IL31RA: variants seen among roughly 807,000 people sequenced by gnomAD.
The protein encoded by IL31RA is interleukin-31 receptor subunit alpha.
IL31RA carries 66 observed loss-of-function variants against 83.7 expected under a neutral mutation model. The observed-to-expected ratio is 0.79, with a 90% CI of 0.65 to 0.97. The LOEUF (loss-of-function observed/expected upper bound fraction) is 0.97, where lower values mean the gene tolerates loss of function less well. Ranked by LOEUF, IL31RA falls within the 50% of genes least tolerant of loss-of-function variation. The pLI is 0.00. For missense variants in IL31RA, 798 were observed against 919.4 expected (o/e 0.87, Z 1.71); for synonymous variants, 325 against 329.0 (o/e 0.99, Z 0.13).
chr5:55,895,713 C>A (rs1748290150), intron 6 of IL31RA, among the ~76,000 whole-genome samples: 1 of 152,182 alleles, frequency 6.6e-6, no homozygotes, highest in African/African-American at 2.4e-5. Flanking sequence ...TTTATGATTT[C>A]AGTGTTCGTA....
intron 1 of IL31RA, among the ~76,000 whole-genome samples, chr5:55,857,097 A>ATTTT (rs35485505): frequency 2.7e-5 from 4 of 145,954 alleles, no homozygotes; most frequent in Non-Finnish European, 4.5e-5. Flanking sequence ...ACCTTTTTGC[A>ATTTT]TTTTTTTTTT....
chr5:55,860,941 C>T (rs536449118), intron 2 of IL31RA, among the ~76,000 whole-genome samples: 1 of 152,186 alleles, frequency 6.6e-6, no homozygotes, highest in Non-Finnish European at 1.5e-5. Context: ...TTTGCTGCCT[C>T]TTCACATGGT....
upstream of IL31RA, among the ~76,000 whole-genome samples, chr5:55,846,523 G>A (rs997185017): frequency 9.9e-5 from 15 of 152,220 alleles, no homozygotes; most frequent in Admixed American, 7.9e-4. Flanking sequence ...AAAGTGAAGG[G>A]TGCAGACTCA....
In IL31RA at chr5:55,920,239, G is replaced by A. The variant is rs563162095; in HGVS notation, c.*3119G>A. ...GCTGCTCTGCTGATGCTCTGTGTGC[G>A]AGGAAAGCCTGTGCTGGCCTGTCCA... On this transcript the variant is annotated 3_prime_UTR_variant, in exon 15 of 15. Transcript: ENST00000652347. Among the ~76,000 whole-genome samples the A allele has an allele frequency of 3.3e-5, 5 of 152,298 alleles. No homozygotes were observed. The highest frequency in any genetic ancestry group is 1.2e-4 in the African/African-American group (5 of 41,568).
chr5:55,867,156 T>TA (rs1358611010), intron 2 of IL31RA, among the ~76,000 whole-genome samples: 1 of 128,040 alleles, frequency 7.8e-6, no homozygotes, highest in Admixed American at 7.8e-5. Context: ...TGCATGTGTG[T>TA]TTGTGTGTGT....
chr5:55,877,640 C>A (rs751513280), intron 4 of IL31RA, among the ~76,000 whole-genome samples: 5 of 152,018 alleles, frequency 3.3e-5, no homozygotes, highest in Non-Finnish European at 5.9e-5. Flanking sequence ...AATTTTTTTT[C>A]TCTTTCAGCA....
In IL31RA at chr5:55,922,449, G is replaced by C; in HGVS notation, c.*5329G>C. 6.5e-7 allele frequency: 1 copy of C among 1,548,050 alleles called. No individual in the cohort carries two copies. Among genetic ancestry groups the C allele is most frequent in the Non-Finnish European group, 8.7e-7 (1 of 1,144,276 alleles). ...TCAATATAAGTGTGGACTAAAATGC[G>C]AGAAAGGTGTCCTGTGGTCTATGCA... On this transcript the variant is annotated 3_prime_UTR_variant, in exon 15 of 15. Coordinates refer to ENST00000652347, the MANE Select transcript of IL31RA (RefSeq NM_139017.7).
rs1398646679 is a variant in IL31RA at position 55,918,042 on chromosome 5, CAGG to C, written c.*927_*929del. Among the ~76,000 whole-genome samples the C allele has an allele frequency of 6.6e-6, 1 of 152,238 alleles. No homozygotes were observed. Among genetic ancestry groups the C allele is most frequent in the South Asian group, 2.1e-4 (1 of 4,838 alleles). On this transcript the variant is annotated 3_prime_UTR_variant, in exon 15 of 15. Transcript: ENST00000652347. ...ATGCCTAGCAAATTTGCAGCCCCAA[CAGG>C]AGGACTTCTGCTCCTTTTCTCTAGC... is the stretch of plus-strand genomic sequence containing the variant.
chr5:55,912,775 A>G (rs934397201), intron 12 of IL31RA, among the ~76,000 whole-genome samples: 1 of 151,438 alleles, frequency 6.6e-6, no homozygotes, highest in African/African-American at 2.4e-5. Flanking sequence ...CAGCCTGGGC[A>G]ACAGAGCGAG....
chr5:55,885,924 G>C lies in IL31RA; in HGVS notation c.606+2729G>C, dbSNP rs145555961. 1.2e-4 allele frequency among the ~76,000 whole-genome samples: 18 copies of C among 152,262 alleles called. No individual in the cohort carries two copies. In the East Asian group the frequency reaches 3.5e-3, roughly 29 times the overall value. ...GAGAAACTTCTGGGATAGTCTACTGGCTATAAACCCTTAATTCCTTCTATT... is the reference window on the plus strand; with the variant it reads ...GAGAAACTTCTGGGATAGTCTACTGCCTATAAACCCTTAATTCCTTCTATT... On this transcript the variant is annotated intron_variant, in intron 5 of 14. Coordinates refer to ENST00000652347, the MANE Select transcript of IL31RA (RefSeq NM_139017.7).
chr5:55,848,767 C>T (rs1744991446), upstream of IL31RA, among the ~76,000 whole-genome samples: 1 of 152,160 alleles, frequency 6.6e-6, no homozygotes, highest in South Asian at 2.1e-4. Flanking sequence ...GGGGCTGCCT[C>T]AGGGGCTGCA....
At chr5:55,881,013 G>A (rs1747177478) in intron 4 of IL31RA, among the ~76,000 whole-genome samples, 1 of 152,090 alleles carries the variant, frequency 6.6e-6, no homozygotes. Context: ...TTATTAAAAA[G>A]CTTTAGAGGC....
Position 55,862,893 on chromosome 5 carries a change from A to C in IL31RA, c.154+3294A>C, listed in dbSNP as rs1246772372. 3.3e-5 allele frequency among the ~76,000 whole-genome samples: 5 copies of C among 152,224 alleles called. No homozygotes were observed. The South Asian group carries it at 6.2e-4, about 19-fold the overall frequency. On this transcript the variant is annotated intron_variant, in intron 2 of 14. Transcript: ENST00000652347. Reference sequence around the variant, plus strand: ...AGGGGGAAAAAGGCAACAGAGGTGAAGTGTTCTTCATTGTGCATCACAATT... The same window carrying C: ...AGGGGGAAAAAGGCAACAGAGGTGACGTGTTCTTCATTGTGCATCACAATT...
chr5:55,890,194 A>G, intron 6 of IL31RA, 59 bp downstream of exon 6: 1 of 1,568,786 alleles, frequency 6.4e-7, no homozygotes, highest in African/African-American at 1.4e-5. Flanking sequence ...GCTTTGGGCT[A>G]GACTTGGTGG....
intron 7 of IL31RA, among the ~76,000 whole-genome samples, chr5:55,898,269 T>G (rs1748552386): frequency 6.6e-6 from 1 of 152,160 alleles, no homozygotes. Context: ...TGGATTTCAG[T>G]GCCCGCCTCC....
intron 6 of IL31RA, among the ~76,000 whole-genome samples, chr5:55,892,269 C>T (rs1748053052): frequency 6.6e-6 from 1 of 152,040 alleles, no homozygotes; most frequent in African/African-American, 2.4e-5. Flanking sequence ...ATATGAACTC[C>T]CCCCATGGCC....
chr5:55,920,406 C>G lies in IL31RA; in HGVS notation c.*3286C>G, dbSNP rs1159320592. ...TTCATGAACTAAAAGCTATAATGACCTATTTAATGGTTGAAAACAAAAAGA... is the reference window on the plus strand; with the variant it reads ...TTCATGAACTAAAAGCTATAATGACGTATTTAATGGTTGAAAACAAAAAGA... On this transcript the variant is annotated 3_prime_UTR_variant, in exon 15 of 15. Coordinates refer to ENST00000652347, the MANE Select transcript of IL31RA (RefSeq NM_139017.7). 6.6e-6 allele frequency among the ~76,000 whole-genome samples: 1 copy of G among 152,216 alleles called. No individual in the cohort carries two copies. Among genetic ancestry groups the G allele is most frequent in the African/African-American group, 2.4e-5 (1 of 41,454 alleles).
intron 9 of IL31RA, 38 bp from the exon 10 acceptor site, chr5:55,907,321 G>A: frequency 1.6e-6 from 2 of 1,268,500 alleles, no homozygotes; most frequent in South Asian, 1.2e-5. Context: ...ACTCTGCCGT[G>A]CTCTGCACTT....
chr5:55,922,433 G>A lies in IL31RA; in HGVS notation c.*5313G>A, dbSNP rs1288317263. ...GTCTTCCTGCCCAACTTCAATATAA[G>A]TGTGGACTAAAATGCGAGAAAGGTG... On this transcript the variant is annotated 3_prime_UTR_variant, in exon 15 of 15. Coordinates refer to ENST00000652347, the MANE Select transcript of IL31RA (RefSeq NM_139017.7). 1.3e-6 allele frequency: 2 copies of A among 1,550,522 alleles called. No individual in the cohort carries two copies.
Sources: gnomAD v4.1 joint callset for allele counts (sites outside exome capture counted in the v4.1 genomes callset) on GRCh38, gnomAD v4.1.1 for gene constraint, MANE v1.5 for transcripts, NCBI Gene and HGNC (gene_info 2026-07-23, HGNC 2026-07-21) for gene names.